PDE4D: variants seen among roughly 807,000 people sequenced by gnomAD.
The protein encoded by PDE4D is 3',5'-cyclic-AMP phosphodiesterase 4D.
Under a neutral mutation model 87.4 loss-of-function variants are expected in PDE4D, and 24 were observed. That is an observed-to-expected ratio of 0.27 (90% confidence interval 0.20 to 0.39). PDE4D has a LOEUF of 0.39. Among genes scored for constraint, PDE4D ranks in the 10% least tolerant of loss-of-function variants. The pLI is 1.00. For synonymous variants in PDE4D, 384 were observed against 383.2 expected, an observed-to-expected ratio of 1.00 and a Z score of -0.02; for missense variants, 714 against 1,041.0, an observed-to-expected ratio of 0.69 and a Z score of 4.32.
chr5:59,273,300 T>TTTTTTAA (rs1764194384), intron 1 of PDE4D, among the ~76,000 whole-genome samples: 2 of 152,004 alleles, frequency 1.3e-5, no homozygotes, highest in Non-Finnish European at 2.9e-5. Context: ...GAGAGGCCGT[T>TTTTTTAA]TGGGTTTTTT....
At chr5:59,266,026 A>G (rs1036854788) in intron 1 of PDE4D, among the ~76,000 whole-genome samples, 2 of 152,176 alleles carry the variant, frequency 1.3e-5, no homozygotes, top group African/African-American at 4.8e-5. Flanking sequence ...TTATAATAGA[A>G]CTGCTTTCAC....
intron 6 of PDE4D, among the ~76,000 whole-genome samples, chr5:59,009,341 T>C (rs992197662): frequency 6.6e-6 from 1 of 152,092 alleles, no homozygotes. Context: ...AACTGGTGAA[T>C]GGGTAAACAA....
chr5:60,359,201 G>A (rs533682378), intron 1 of PDE4D, among the ~76,000 whole-genome samples: 3 of 152,242 alleles, frequency 2.0e-5, no homozygotes, highest in Admixed American at 6.5e-5. Context: ...GAGTTCAGGA[G>A]TTCGAGACCA....
chr5:59,536,584 A>G (rs1254865263), intron 1 of PDE4D, among the ~76,000 whole-genome samples: 1 of 151,324 alleles, frequency 6.6e-6, no homozygotes, highest in Non-Finnish European at 1.5e-5. Flanking sequence ...TGTTGGAACT[A>G]CCCAACTTTC....
intron 2 of PDE4D, among the ~76,000 whole-genome samples, chr5:60,137,239 T>A (rs62370616): frequency 6.6e-6 from 1 of 151,968 alleles, no homozygotes; most frequent in Non-Finnish European, 1.5e-5. Context: ...TTTGCTATTG[T>A]GAACAGTGCT....
intron 1 of PDE4D, among the ~76,000 whole-genome samples, chr5:60,278,135 T>G (rs1316043421): frequency 1.3e-5 from 2 of 152,166 alleles, no homozygotes; most frequent in Admixed American, 6.5e-5. Flanking sequence ...TCTGTTTTTA[T>G]CTAAGTATGT....
chr5:60,495,521 T>C (rs10516154), intron 1 of PDE4D, among the ~76,000 whole-genome samples: 19,274 of 152,214 alleles, frequency 0.13, 1,277 homozygotes, highest in Non-Finnish European at 0.14. Flanking sequence ...TTAAGAATCA[T>C]TGAGATAGTG....
chr5:60,125,151 T>C (rs911608189), intron 2 of PDE4D, among the ~76,000 whole-genome samples: 10 of 152,032 alleles, frequency 6.6e-5, no homozygotes, highest in Admixed American at 6.6e-4. Context: ...AAGACTACCA[T>C]AACCAACTGC....
intron 11 of PDE4D, among the ~76,000 whole-genome samples, chr5:58,978,961 G>T (rs888619098): frequency 2.0e-5 from 3 of 152,072 alleles, no homozygotes; most frequent in Non-Finnish European, 2.9e-5. Flanking sequence ...TGAAAGGAAG[G>T]CATAATTATT....
intron 2 of PDE4D, among the ~76,000 whole-genome samples, chr5:59,997,428 G>GT (rs1763615964): frequency 6.6e-6 from 1 of 152,066 alleles, no homozygotes; most frequent in Non-Finnish European, 1.5e-5. Context: ...TCATTCTCAA[G>GT]TTTTATTTAA....
At chr5:59,473,083 GAAAA>G (rs10573988) in intron 1 of PDE4D, among the ~76,000 whole-genome samples, 3,205 of 92,074 alleles carry the variant, frequency 0.035, 43 homozygotes, top group Middle Eastern at 0.052. Flanking sequence ...GCTTTCTCAT[GAAAA>G]AAAAAAAAAA....
intron 1 of PDE4D, among the ~76,000 whole-genome samples, chr5:60,286,354 C>A (rs1001256126): frequency 2.6e-5 from 4 of 152,100 alleles, no homozygotes; most frequent in African/African-American, 9.7e-5. Flanking sequence ...CCATTTTTGA[C>A]AACAATGAAA....
rs183458936 is a variant in PDE4D at position 60,101,178 on chromosome 5, T to A, written c.42+84379A>T. Among the ~76,000 whole-genome samples the A allele has an allele frequency of 8.7e-4, 133 of 152,126 alleles. 1 individual carries two copies. The East Asian group carries it at 0.018, about 20-fold the overall frequency. ...TTGGAGGCTTTAGAAATCTCCAGTA[T>A]AATAAAATCTGGTATAAGCACTGAA... On this transcript the variant is annotated intron_variant, in intron 2 of 16. Coordinates refer to the PDE4D transcript ENST00000502484.
chr5:59,380,199 CATT>C (rs1358153509), intron 1 of PDE4D, among the ~76,000 whole-genome samples: 5 of 151,608 alleles, frequency 3.3e-5, no homozygotes, highest in African/African-American at 1.2e-4. Context: ...AAATAACATG[CATT>C]ATTTTATTAT....
intron 1 of PDE4D, among the ~76,000 whole-genome samples, chr5:60,344,601 A>G (rs1758586556): frequency 6.6e-6 from 1 of 152,164 alleles, no homozygotes; most frequent in African/African-American, 2.4e-5. Flanking sequence ...TAAAATCTTT[A>G]TGCAAGAATT....
At chr5:59,946,774 C>A (rs1294270986) in intron 3 of PDE4D, among the ~76,000 whole-genome samples, 1 of 152,128 alleles carries the variant, frequency 6.6e-6, no homozygotes, top group African/African-American at 2.4e-5. Context: ...AACTGCTACA[C>A]GCATATTAGG....
chr5:60,375,396 TTAATA>T (rs1448316611), intron 1 of PDE4D, among the ~76,000 whole-genome samples: 1 of 152,234 alleles, frequency 6.6e-6, no homozygotes, highest in African/African-American at 2.4e-5. Context: ...TTTGCATATA[TTAATA>T]TAATTCTTAT....
chr5:59,276,273 AT>A (rs774354039), intron 1 of PDE4D, among the ~76,000 whole-genome samples: 86 of 152,002 alleles, frequency 5.7e-4, no homozygotes, highest in Middle Eastern at 3.4e-3. Flanking sequence ...TTATAAAACC[AT>A]TTCCTTCTCT....
Position 59,482,306 on chromosome 5 carries a change from A to T in PDE4D, c.456-266338T>A, listed in dbSNP as rs139793515. Among the ~76,000 whole-genome samples, 472 of 152,256 alleles carry T rather than the reference A, an allele frequency of 3.1e-3. 4 individuals carry two copies. Among genetic ancestry groups the T allele is most frequent in the African/African-American group, 0.011 (462 of 41,554 alleles). On this transcript the variant is annotated intron_variant, in intron 1 of 14. Transcript: ENST00000340635. ...AATTAAGTGATGATGTGTTTGTTGA[A>T]ACATGCTGGTTTAACCATTGTCTAC...
Sources: gnomAD v4.1 joint callset for allele counts (sites outside exome capture counted in the v4.1 genomes callset) on GRCh38, gnomAD v4.1.1 for gene constraint, MANE v1.5 for transcripts, NCBI Gene and HGNC (gene_info 2026-07-23, HGNC 2026-07-21) for gene names.